Variants in KANSL2 observed in about 807,000 individuals in gnomAD.
KANSL2 encodes the protein NSL complex protein NSL2.
In KANSL2, 34 loss-of-function variants were observed where a neutral mutation model predicts 55.6. The observed-to-expected ratio is 0.61, with a 90% CI of 0.46 to 0.81. The LOEUF is 0.81. KANSL2 is among the 40% of genes least tolerant of loss of function. The probability of loss-of-function intolerance (pLI) is 0.00; values close to 1 mark genes in which losing one functional copy is unlikely to be tolerated. For synonymous variants in KANSL2, 209 were observed against 214.3 expected (o/e 0.98, Z 0.22); for missense variants, 502 against 609.9 (o/e 0.82, Z 1.86).
intron 2 of KANSL2, 136 bp downstream of exon 2, chr12:48,681,244 TCA>T (rs1939920269): frequency 3.2e-6 from 3 of 932,480 alleles, no homozygotes; most frequent in African/African-American, 3.3e-5. Context: ...CACCGTTTTT[TCA>T]GTTTTCCAAG....
intron 7 of KANSL2, among the ~76,000 whole-genome samples, chr12:48,662,026 C>A (rs989666148): frequency 6.6e-6 from 1 of 152,182 alleles, no homozygotes; most frequent in Non-Finnish European, 1.5e-5. Context: ...TTGCACTATG[C>A]GCTTAAGAAA....
chr12:48,670,103 A>G (rs1308249231), intron 5 of KANSL2, among the ~76,000 whole-genome samples: 1 of 151,246 alleles, frequency 6.6e-6, no homozygotes, highest in Non-Finnish European at 1.5e-5. Flanking sequence ...CAGGAGGCTG[A>G]GGCAGGAGAA....
intron 7 of KANSL2, chr12:48,661,328 C>A: frequency 1.5e-5 from 6 of 396,724 alleles, no homozygotes; most frequent in Non-Finnish European, 1.7e-5. Flanking sequence ...CTATTAACAA[C>A]TTTTGTTAAA....
chr12:48,681,619 CG>C lies in KANSL2; in HGVS notation c.13del (p.Arg5GlyfsTer99). On this transcript the variant is annotated frameshift_variant, in exon 2 of 10. Transcript: ENST00000420613. LOFTEE classifies it high-confidence loss of function. ...CCGATTGGTTGGCAAGACGTGAATC[CG>C]AATCCTGTTCATAACCAAAACCTGC... MNRI[R>X]IHVLPTNRGR... 1 of 1,613,968 alleles carries C rather than the reference CG, an allele frequency of 6.2e-7. No homozygotes were observed. Among genetic ancestry groups the C allele is most frequent in the Non-Finnish European group, 8.5e-7 (1 of 1,179,892 alleles).
chr12:48,678,880 C>T (rs1330620002), intron 4 of KANSL2, among the ~76,000 whole-genome samples, 156 bp downstream of exon 4: 1 of 152,142 alleles, frequency 6.6e-6, no homozygotes, highest in Non-Finnish European at 1.5e-5. Flanking sequence ...TGAAGCAAGA[C>T]GACAATGAAC....
Position 48,660,626 on chromosome 12 carries a change from A to G in KANSL2, c.974-7T>C, listed in dbSNP as rs1213024909. 6.2e-7 allele frequency: 1 copy of G among 1,607,756 alleles called. No homozygotes were observed. The highest frequency in any genetic ancestry group is 1.3e-5 in the African/African-American group (1 of 74,820). The stretch of plus-strand genomic sequence containing the variant: ...TTCGTATCCTGACAAATATCTGTAG[A>G]AAAATGGTCAAGGGAAATAAAACAC... On this transcript the variant is annotated splice_polypyrimidine_tract_variant and splice_region_variant and intron_variant, in intron 7 of 9. Transcript: ENST00000420613.
Position 48,679,119 on chromosome 12 carries a change from T to C in KANSL2, c.462A>G (p.Glu154=), listed in dbSNP as rs752383486. ...TCCATGTCTGATCCACAGTAATGGGTTCCTGCTCCCCATCACTCCAGCTGT... is the reference window on the plus strand; with the variant it reads ...TCCATGTCTGATCCACAGTAATGGGCTCCTGCTCCCCATCACTCCAGCTGT... The part of the protein sequence containing the change: ...DEDSWSDGEQ[E]PITVDQTWRG... Residue 154 remains glutamate, a synonymous_variant, in exon 4 of 10, where the codon GAA becomes GAG. Coordinates refer to ENST00000420613, the MANE Select transcript of KANSL2 (RefSeq NM_017822.4). The C allele has an allele frequency of 6.2e-7, 1 of 1,613,810 alleles. No homozygotes were observed. The highest frequency in any genetic ancestry group is 8.5e-7 in the Non-Finnish European group (1 of 1,179,774).
At chr12:48,655,431 C>T (rs560671405) in intron 8 of KANSL2, among the ~76,000 whole-genome samples, 87 of 151,824 alleles carry the variant, frequency 5.7e-4, no homozygotes, top group Non-Finnish European at 1.1e-3. Flanking sequence ...AAGCCAGGCG[C>T]GGTGGCACAC....
At position 48,662,698 on chromosome 12, in the gene KANSL2, T is replaced by C. The variant is rs1443239434; in HGVS notation, c.974-2079A>G. On this transcript the variant is annotated intron_variant, in intron 7 of 9. Coordinates refer to ENST00000420613, the MANE Select transcript of KANSL2 (RefSeq NM_017822.4). ...GAAGGGTAAGTGACTTAGGCAACTA[T>C]GGAGTGGAAAGGAAAGAGCATAAAA... is the stretch of plus-strand genomic sequence containing the variant. 4 of 1,262,108 alleles carry C rather than the reference T, an allele frequency of 3.2e-6. No homozygotes were observed. The African/African-American group carries it at 4.7e-5, about 15-fold the overall frequency. 78.2% of individuals were successfully genotyped at this position (1,262,108 alleles called of 1,614,324 possible).
At chr12:48,663,587 A>G (rs1199605219) in intron 7 of KANSL2, among the ~76,000 whole-genome samples, 1 of 152,212 alleles carries the variant, frequency 6.6e-6, no homozygotes, top group South Asian at 2.1e-4. Flanking sequence ...GACCATGAGA[A>G]TAAGGACCTC....
At chr12:48,682,015 C>G in intron 1 of KANSL2, 172 bp downstream of exon 1, 1 of 703,018 alleles carries the variant, frequency 1.4e-6, no homozygotes, top group South Asian at 1.5e-5. Context: ...CCTATGCGAG[C>G]GCCATTTTGT....
At chr12:48,669,031 G>A (rs1939656150) in intron 6 of KANSL2, 75 bp downstream of exon 6, 9 of 1,240,980 alleles carry the variant, frequency 7.3e-6, no homozygotes, top group South Asian at 1.8e-5. Context: ...GTGACAGTGC[G>A]AGACTCCGTC....
At chr12:48,672,653 T>C (rs1241957851) in intron 4 of KANSL2, among the ~76,000 whole-genome samples, 1 of 151,740 alleles carries the variant, frequency 6.6e-6, no homozygotes, top group Non-Finnish European at 1.5e-5. Context: ...CTTGAACCCC[T>C]GGGTTTAAGC....
intron 9 of KANSL2, chr12:48,654,473 G>A (rs745782102): frequency 3.5e-5 from 23 of 661,064 alleles, no homozygotes; most frequent in African/African-American, 5.3e-5. Context: ...GCCTCTGCTT[G>A]AAACCAACAG....
intron 4 of KANSL2, among the ~76,000 whole-genome samples, chr12:48,672,427 A>ATTTT (rs1178882750): frequency 9.3e-6 from 1 of 107,818 alleles, no homozygotes; most frequent in African/African-American, 3.8e-5. Context: ...ATATATATAT[A>ATTTT]TATATATTTT....
chr12:48,663,919 T>C, intron 7 of KANSL2, among the ~76,000 whole-genome samples: 1 of 145,202 alleles, frequency 6.9e-6, no homozygotes, highest in African/African-American at 2.5e-5. Context: ...TAGCCTTTTT[T>C]TTTTTTTTTT....
intron 5 of KANSL2, among the ~76,000 whole-genome samples, 187 bp from the exon 6 acceptor site, chr12:48,669,459 A>G (rs185397943): frequency 6.6e-6 from 1 of 152,310 alleles, no homozygotes; most frequent in Admixed American, 6.5e-5. Context: ...CCACTTTTTA[A>G]TCAATCATTG....
At chr12:48,680,981 C>CT (rs1193779047) in intron 2 of KANSL2, among the ~76,000 whole-genome samples, 35 of 149,300 alleles carry the variant, frequency 2.3e-4, no homozygotes, top group African/African-American at 7.7e-4. Context: ...CGCCCCCCCG[C>CT]CAAAAAATTA....
chr12:48,657,868 C>T (rs138137563), intron 8 of KANSL2, among the ~76,000 whole-genome samples: 1 of 152,268 alleles, frequency 6.6e-6, no homozygotes, highest in East Asian at 2.0e-4. Flanking sequence ...CTACCCGTCT[C>T]GGACTCCCAA....
Sources: gnomAD v4.1 joint callset for allele counts (sites outside exome capture counted in the v4.1 genomes callset) on GRCh38, gnomAD v4.1.1 for gene constraint, MANE v1.5 for transcripts, NCBI Gene and HGNC (gene_info 2026-07-23, HGNC 2026-07-21) for gene names.